The following CEP350 variants were observed in gnomAD, a reference collection of about 807,000 sequenced individuals.
The protein encoded by CEP350 is centrosomal protein 350, also known as centrosome-associated protein 350.
Under a neutral mutation model 331.8 loss-of-function variants are expected in CEP350, and 126 were observed. That is an observed-to-expected ratio of 0.38 (90% CI 0.33 to 0.44). CEP350 has a LOEUF of 0.44. Among genes scored for constraint, CEP350 ranks in the 20% least tolerant of loss-of-function variants. CEP350 has a pLI of 1.00. For missense variants in CEP350, 3,406 were observed against 3,634.6 expected, an observed-to-expected ratio of 0.94 and a Z score of 1.62; for synonymous variants, 1,200 against 1,259.5, an observed-to-expected ratio of 0.95 and a Z score of 1.00.
chr1:180,054,845 C>T (rs1402124183), intron 25 of CEP350, among the ~76,000 whole-genome samples: 1 of 152,076 alleles, frequency 6.6e-6, no homozygotes, highest in Admixed American at 6.6e-5. Context: ...ATTATTGTTT[C>T]CCTAGACTTT....
intron 17 of CEP350, among the ~76,000 whole-genome samples, chr1:180,037,551 G>A (rs981181671): frequency 2.5e-4 from 38 of 151,902 alleles, no homozygotes; most frequent in African/African-American, 9.2e-4. Context: ...TTCCCTTAGT[G>A]GAGATGCTTT....
At chr1:180,088,057 C>G (rs1659963684) in intron 32 of CEP350, among the ~76,000 whole-genome samples, 1 of 151,752 alleles carries the variant, frequency 6.6e-6, no homozygotes, top group Non-Finnish European at 1.5e-5. Flanking sequence ...AACCTTTGAC[C>G]CAGTAATCCT....
Position 180,111,293 on chromosome 1 carries a change from GGAGTTC to G in CEP350, c.*133_*138del. 9.6e-7 allele frequency: 1 copy of G among 1,042,926 alleles called. No individual in the cohort carries two copies. Among genetic ancestry groups the G allele is most frequent in the Admixed American group, 2.7e-5 (1 of 37,652 alleles). 64.6% of individuals were successfully genotyped at this position (1,042,926 alleles called of 1,614,324 possible). ...ACTTATTCTTAAAGACTACCAGTATGGAGTTCATAGGACAATGTGGTACACCTGGTA... is the reference window on the plus strand; with the variant it reads ...ACTTATTCTTAAAGACTACCAGTATGATAGGACAATGTGGTACACCTGGTA... On this transcript the variant is annotated 3_prime_UTR_variant, in exon 38 of 38. Coordinates refer to ENST00000367607, the MANE Select transcript of CEP350 (RefSeq NM_014810.5).
chr1:180,012,405 C>G (rs1376105685), intron 9 of CEP350, among the ~76,000 whole-genome samples: 1 of 152,172 alleles, frequency 6.6e-6, no homozygotes, highest in Non-Finnish European at 1.5e-5. Context: ...CCAACATATT[C>G]AAGCAAACAC....
intron 14 of CEP350, among the ~76,000 whole-genome samples, chr1:180,029,515 G>T (rs769287129): frequency 6.6e-6 from 1 of 152,100 alleles, no homozygotes; most frequent in Non-Finnish European, 1.5e-5. Flanking sequence ...CAGTTGAGTG[G>T]CATTAAGCAC....
chr1:180,037,118 G>T, intron 17 of CEP350, 29 bp downstream of exon 17: 1 of 1,521,380 alleles, frequency 6.6e-7, no homozygotes, highest in South Asian at 1.3e-5. Context: ...AGCTTTCTGT[G>T]GTTTTTCTTT....
rs1218484212 is a variant in CEP350, at chr1:180,015,726, A to C, written c.2053-123A>C. 9.7e-6 allele frequency: 11 copies of C among 1,133,778 alleles called. No homozygotes were observed. In the Admixed American group the frequency reaches 1.6e-4, roughly 17 times the overall value. 70.2% of individuals were successfully genotyped at this position (1,133,778 alleles called of 1,614,324 possible). On this transcript the variant is annotated intron_variant, in intron 10 of 37. Transcript: ENST00000367607. ...TAAATTTTAATTGGTTTTGTTTGAC[A>C]AAAAAAAACCACTACATTTTATGAT...
rs369994777 is a variant in CEP350, at chr1:180,014,571, T to C, written c.2052+66T>C. On this transcript the variant is annotated intron_variant, in intron 10 of 37. Coordinates refer to ENST00000367607, the MANE Select transcript of CEP350 (RefSeq NM_014810.5). Reference sequence around the variant, plus strand: ...TAGGAAATGCTTATTTGCTATACTATTTAAAAATTACCCATCATTCCTAGT... The same window carrying C: ...TAGGAAATGCTTATTTGCTATACTACTTAAAAATTACCCATCATTCCTAGT... 14 of 1,418,788 alleles carry C rather than the reference T, an allele frequency of 9.9e-6. No homozygotes were observed. The African/African-American group carries it at 2.0e-4, about 20-fold the overall frequency. 87.9% of individuals were successfully genotyped at this position (1,418,788 alleles called of 1,614,324 possible).
intron 31 of CEP350, among the ~76,000 whole-genome samples, chr1:180,085,228 A>G (rs181727110): frequency 1.3e-5 from 2 of 151,714 alleles, no homozygotes; most frequent in East Asian, 1.9e-4. Flanking sequence ...CTTCTAATTG[A>G]TAACTCTTAA....
chr1:180,014,626 G>A lies in CEP350; in HGVS notation c.2052+121G>A, dbSNP rs1335139752. ...TCAGATAATACTTATAATAATCATGGCCTTCATGAAATATATTAAATATGA... is the reference window on the plus strand; with the variant it reads ...TCAGATAATACTTATAATAATCATGACCTTCATGAAATATATTAAATATGA... On this transcript the variant is annotated intron_variant, in intron 10 of 37. Transcript: ENST00000367607. 6 of 903,446 alleles carry A rather than the reference G, an allele frequency of 6.6e-6. No individual in the cohort carries two copies. The East Asian group carries it at 8.2e-5, about 12-fold the overall frequency. 56.0% of individuals were successfully genotyped at this position (903,446 alleles called of 1,614,324 possible).
chr1:179,970,575 A>C (rs1433346079), intron 1 of CEP350, among the ~76,000 whole-genome samples: 1 of 152,260 alleles, frequency 6.6e-6, no homozygotes, highest in Non-Finnish European at 1.5e-5. Context: ...GATCTGATAT[A>C]GATCAGAGAA....
intron 16 of CEP350, among the ~76,000 whole-genome samples, chr1:180,036,294 A>G (rs1436376946): frequency 2.0e-5 from 3 of 152,268 alleles, no homozygotes; most frequent in African/African-American, 7.2e-5. Flanking sequence ...AATATTACAT[A>G]AACTTTAATT....
At chr1:180,015,766 G>A in intron 10 of CEP350, 83 bp from the exon 11 acceptor site, 1 of 1,454,664 alleles carries the variant, frequency 6.9e-7, no homozygotes, top group Non-Finnish European at 9.2e-7. Context: ...GTAGAGCTGA[G>A]GTGACTTAAT....
intron 18 of CEP350, 80 bp downstream of exon 18, chr1:180,041,328 T>C (rs1656746409): frequency 6.9e-6 from 7 of 1,011,714 alleles, no homozygotes; most frequent in Non-Finnish European, 1.0e-5. Context: ...CTTTTAATTA[T>C]ATAGGAGAAA....
chr1:180,014,796 A>C (rs900487258), intron 10 of CEP350, among the ~76,000 whole-genome samples: 1 of 152,160 alleles, frequency 6.6e-6, no homozygotes, highest in African/African-American at 2.4e-5. Flanking sequence ...AGTACAGTTG[A>C]CCTTTGAACG....
chr1:180,031,582 C>A, intron 15 of CEP350, 88 bp downstream of exon 15: 1 of 593,832 alleles, frequency 1.7e-6, no homozygotes, highest in Non-Finnish European at 2.5e-6. Flanking sequence ...TTTAACTCAG[C>A]AGTCCCCTTA....
chr1:179,967,976 A>G (rs189858077), intron 1 of CEP350, among the ~76,000 whole-genome samples: 1 of 152,248 alleles, frequency 6.6e-6, no homozygotes, highest in African/African-American at 2.4e-5. Flanking sequence ...TGGTACTGTC[A>G]TTTGGCAAAC....
At chr1:180,080,740 G>A in intron 30 of CEP350, 79 bp downstream of exon 30, 1 of 1,264,768 alleles carries the variant, frequency 7.9e-7, no homozygotes, top group African/African-American at 1.5e-5. Context: ...GGAGTTTGTT[G>A]ACCTTAGGAA....
intron 19 of CEP350, among the ~76,000 whole-genome samples, chr1:180,042,132 T>TCTCACACACACACACA (rs1553258521): frequency 2.8e-4 from 41 of 146,866 alleles, no homozygotes; most frequent in African/African-American, 1.0e-3. Flanking sequence ...GAGTTTTCTC[T>TCTCACACACACACACA]CACACACACA....
Sources: gnomAD v4.1 joint callset for allele counts (sites outside exome capture counted in the v4.1 genomes callset) on GRCh38, gnomAD v4.1.1 for gene constraint, MANE v1.5 for transcripts, NCBI Gene and HGNC (gene_info 2026-07-23, HGNC 2026-07-21) for gene names.